The following L3MBTL4 variants were observed in gnomAD, a reference collection of about 807,000 sequenced individuals.
The protein encoded by L3MBTL4 is lethal(3)malignant brain tumor-like protein 4.
Under a neutral mutation model 84.5 loss-of-function variants are expected in L3MBTL4, and 70 were observed. The ratio of observed to expected loss-of-function variants is 0.83; its 90% CI spans 0.68 to 1.01. The LOEUF is 1.01. L3MBTL4 is among the 50% of genes least tolerant of loss of function. The pLI is 0.00. For synonymous variants in L3MBTL4, 274 were observed against 259.8 expected (o/e 1.05, Z -0.52); for missense variants, 715 against 754.8 (o/e 0.95, Z 0.62).
At chr18:6,116,494 T>C (rs997844783) in intron 14 of L3MBTL4, among the ~76,000 whole-genome samples, 1 of 151,608 alleles carries the variant, frequency 6.6e-6, no homozygotes, top group Admixed American at 6.6e-5. Context: ...CTCCCAATTA[T>C]CTAGGATTAC....
chr18:6,137,669 A>T (rs1019047190), intron 14 of L3MBTL4, among the ~76,000 whole-genome samples: 3 of 152,256 alleles, frequency 2.0e-5, no homozygotes, highest in African/African-American at 7.2e-5. Flanking sequence ...AAAGGCTTAC[A>T]TATTTATTCG....
At chr18:5,988,059 A>G (rs553553605) in intron 16 of L3MBTL4, among the ~76,000 whole-genome samples, 10 of 152,352 alleles carry the variant, frequency 6.6e-5, no homozygotes, top group Admixed American at 6.5e-4. Context: ...AAGTCATTGC[A>G]TGAATTACTT....
At chr18:6,067,948 G>T (rs1040708562) in intron 16 of L3MBTL4, among the ~76,000 whole-genome samples, 2 of 152,008 alleles carry the variant, frequency 1.3e-5, no homozygotes, top group African/African-American at 2.4e-5. Flanking sequence ...ATTTATTTTT[G>T]ATTTGACTGT....
chr18:6,255,532 C>A (rs2048099461), intron 5 of L3MBTL4, among the ~76,000 whole-genome samples: 1 of 152,188 alleles, frequency 6.6e-6, no homozygotes, highest in Non-Finnish European at 1.5e-5. Context: ...AATGGGAATT[C>A]TTTCTGCCCT....
intron 1 of L3MBTL4, among the ~76,000 whole-genome samples, chr18:6,335,719 C>T (rs113826973): frequency 0.011 from 1,645 of 152,262 alleles, 41 homozygotes; most frequent in African/African-American, 0.038. Context: ...AGTGAATTCT[C>T]ACAAGATCTG....
At chr18:6,262,556 C>G (rs564970808) in intron 5 of L3MBTL4, among the ~76,000 whole-genome samples, 1 of 152,262 alleles carries the variant, frequency 6.6e-6, no homozygotes, top group African/African-American at 2.4e-5. Flanking sequence ...CAGCCTCAAA[C>G]CTGCACAAAG....
chr18:6,328,431 A>T (rs896512185), intron 1 of L3MBTL4, among the ~76,000 whole-genome samples: 1 of 152,198 alleles, frequency 6.6e-6, no homozygotes, highest in African/African-American at 2.4e-5. Context: ...TGCCTCTCTG[A>T]AGCCTTGCCA....
intron 1 of L3MBTL4, among the ~76,000 whole-genome samples, chr18:6,406,358 A>G (rs1318815444): frequency 3.3e-5 from 5 of 152,254 alleles, no homozygotes; most frequent in Admixed American, 3.3e-4. Flanking sequence ...GGGACCATCT[A>G]CTATCATTAG....
intron 17 of L3MBTL4, among the ~76,000 whole-genome samples, chr18:5,966,723 C>A (rs1449815393): frequency 6.6e-6 from 1 of 152,108 alleles, no homozygotes; most frequent in Non-Finnish European, 1.5e-5. Flanking sequence ...TGGCCCCAAA[C>A]TGGACTTTGC....
intron 10 of L3MBTL4, among the ~76,000 whole-genome samples, chr18:6,233,347 G>A (rs1255098956): frequency 3.3e-5 from 5 of 149,688 alleles, no homozygotes; most frequent in Non-Finnish European, 7.4e-5. Flanking sequence ...AAGAAATAAA[G>A]GATATTCAAT....
chr18:6,150,620 A>C (rs1214266952), intron 13 of L3MBTL4, among the ~76,000 whole-genome samples: 1 of 152,196 alleles, frequency 6.6e-6, no homozygotes, highest in Non-Finnish European at 1.5e-5. Flanking sequence ...TGTCTGTAAC[A>C]GATGCTTCGA....
chr18:6,347,620 T>A (rs907645996), intron 1 of L3MBTL4, among the ~76,000 whole-genome samples: 1 of 148,326 alleles, frequency 6.7e-6, no homozygotes, highest in Admixed American at 6.7e-5. Context: ...AATTCATAAC[T>A]TTTTAAAAAA....
At chr18:6,228,420 G>T (rs188409906) in intron 10 of L3MBTL4, among the ~76,000 whole-genome samples, 5 of 152,204 alleles carry the variant, frequency 3.3e-5, no homozygotes, top group Admixed American at 1.3e-4. Flanking sequence ...TTTAAAATCT[G>T]CTTTTTGAAC....
chr18:6,176,933 T>C (rs2044248743), intron 12 of L3MBTL4, among the ~76,000 whole-genome samples: 1 of 152,172 alleles, frequency 6.6e-6, no homozygotes, highest in Non-Finnish European at 1.5e-5. Flanking sequence ...CAAAATGAAT[T>C]ACTACCGCAT....
chr18:6,106,669 A>G (rs1333927108), intron 14 of L3MBTL4, among the ~76,000 whole-genome samples: 2 of 152,246 alleles, frequency 1.3e-5, no homozygotes, highest in Non-Finnish European at 2.9e-5. Flanking sequence ...TATCCTAGCA[A>G]GTTTTAAATG....
chr18:6,376,517 T>C (rs980120553), intron 1 of L3MBTL4, among the ~76,000 whole-genome samples: 3 of 152,130 alleles, frequency 2.0e-5, no homozygotes, highest in African/African-American at 7.2e-5. Context: ...AGTGGGAGGA[T>C]TGCTTGGGAC....
intron 4 of L3MBTL4, among the ~76,000 whole-genome samples, chr18:6,271,685 G>A (rs1284171960): frequency 1.3e-5 from 2 of 152,226 alleles, no homozygotes; most frequent in Admixed American, 6.5e-5. Flanking sequence ...GGATGACACC[G>A]AGGAAGAAGA....
chr18:6,392,839 T>C (rs998642186), intron 1 of L3MBTL4, among the ~76,000 whole-genome samples: 1 of 152,236 alleles, frequency 6.6e-6, no homozygotes, highest in African/African-American at 2.4e-5. Flanking sequence ...CCAAATTCCA[T>C]ATCTTCTCAT....
In L3MBTL4 at chr18:6,361,679, G is replaced by C. The variant is rs565648625; in HGVS notation, c.-90-49623C>G. 1.0e-3 allele frequency among the ~76,000 whole-genome samples: 153 copies of C among 152,336 alleles called. 1 individual carries two copies. The highest frequency in any genetic ancestry group is 3.5e-3 in the African/African-American group (147 of 41,584). ...ATCTTTAAAGAGACAGTCCTGGACA[G>C]TGTGCCAATGCCAGGTTCTGCTTCT... On this transcript the variant is annotated intron_variant, in intron 1 of 18. Coordinates refer to ENST00000317931, the MANE Select transcript of L3MBTL4 (RefSeq NM_001330559.2).
Sources: allele counts gnomAD v4.1 joint callset (sites outside exome capture counted in the v4.1 genomes callset), GRCh38; gene constraint gnomAD v4.1.1; transcripts MANE v1.5; gene names NCBI Gene and HGNC (gene_info 2026-07-23, HGNC 2026-07-21).